CDH2: variants seen among roughly 807,000 people sequenced by gnomAD.
CDH2 encodes the protein cadherin-2.
CDH2 carries 17 observed loss-of-function variants against 92.0 expected under a neutral mutation model. That is an observed-to-expected ratio of 0.18 (90% CI 0.13 to 0.28). The LOEUF is 0.28. CDH2 is among the 10% of genes least tolerant of loss of function. The pLI is 1.00. For synonymous variants in CDH2, 419 were observed against 415.9 expected (o/e 1.01, Z -0.09); for missense variants, 862 against 1,133.1 (o/e 0.76, Z 3.44).
intron 15 of CDH2, among the ~76,000 whole-genome samples, chr18:27,958,453 A>G (rs2011307746): frequency 6.6e-6 from 1 of 151,476 alleles, no homozygotes; most frequent in Non-Finnish European, 1.5e-5. Context: ...TACACACATA[A>G]TAAAAATCTC....
At chr18:27,943,009 CACACACCCA>C (rs1909181994) in intron 6 of CDH2, among the ~76,000 whole-genome samples, 1 of 152,140 alleles carries the variant, frequency 6.6e-6, no homozygotes, top group Non-Finnish European at 1.5e-5. Context: ...CCTTCCCCAC[CACACACCCA>C]CACTTCTATG....
At chr18:27,967,934 C>G (rs1201630857) in intron 14 of CDH2, among the ~76,000 whole-genome samples, 1 of 152,124 alleles carries the variant, frequency 6.6e-6, no homozygotes, top group Non-Finnish European at 1.5e-5. Context: ...TCTGGAATCC[C>G]AGGCAAATAC....
intron 15 of CDH2, among the ~76,000 whole-genome samples, chr18:27,956,034 T>C (rs1305734903): frequency 6.6e-6 from 1 of 152,170 alleles, no homozygotes; most frequent in African/African-American, 2.4e-5. Context: ...AATATTTTGG[T>C]AATTCTAAAA....
chr18:28,111,253 G>A lies in CDH2; in HGVS notation c.172+36420C>T, dbSNP rs374962181. Among the ~76,000 whole-genome samples, 165 of 152,272 alleles carry A rather than the reference G, an allele frequency of 1.1e-3. 1 individual carries two copies. The highest frequency in any genetic ancestry group is 3.7e-3 in the African/African-American group (154 of 41,552). On this transcript the variant is annotated intron_variant, in intron 2 of 15. Transcript: ENST00000269141. ...TAGCCTCAGCCTTCTCCTCTGTCCC[G>A]GAGCCCACTTGCTGACCTAGACAGA...
At chr18:27,959,574 T>G (rs1157488335) in intron 15 of CDH2, 1 of 152,218 alleles carries the variant, frequency 6.6e-6, no homozygotes, top group Non-Finnish European at 1.5e-5. Flanking sequence ...GTCCAGTAAA[T>G]GAAGACACTG....
chr18:28,175,180 G>A (rs1001689654), intron 1 of CDH2, among the ~76,000 whole-genome samples: 1 of 152,160 alleles, frequency 6.6e-6, no homozygotes. Context: ...ATAACAGGAG[G>A]TACTTTTGTT....
At chr18:28,074,576 A>G (rs1263385036) in intron 2 of CDH2, among the ~76,000 whole-genome samples, 1 of 151,982 alleles carries the variant, frequency 6.6e-6, no homozygotes, top group Non-Finnish European at 1.5e-5. Flanking sequence ...TGTGTTTAAA[A>G]TTATTTTGCT....
Position 27,950,993 on chromosome 18 carries a change from G to A in CDH2, c.*1160C>T, listed in dbSNP as rs199679502. 4 of 152,528 alleles carry A rather than the reference G, an allele frequency of 2.6e-5. No homozygotes were observed. The South Asian group carries it at 8.3e-4, about 32-fold the overall frequency. The allele number at this position is 152,528 out of a possible 1,614,324, so 9.4% of individuals were successfully genotyped here. A position where few individuals can be genotyped will look rare whatever the true frequency, so the allele number is the denominator to read the frequency against. On this transcript the variant is annotated 3_prime_UTR_variant, in exon 16 of 16. Transcript: ENST00000269141. ...AGATCCAAAATTAGCATTTTATTCA[G>A]AACGCTGGGGTCAGAGGTGTATCAT...
intron 2 of CDH2, among the ~76,000 whole-genome samples, chr18:28,096,566 ACAC>A (rs1325961810): frequency 6.6e-6 from 1 of 152,204 alleles, no homozygotes; most frequent in Non-Finnish European, 1.5e-5. Flanking sequence ...CTCCAAAAAT[ACAC>A]CACAAGAAAT....
chr18:28,139,334 A>T (rs1043948738), intron 2 of CDH2, among the ~76,000 whole-genome samples: 1 of 151,908 alleles, frequency 6.6e-6, no homozygotes. Context: ...TTACACAAAC[A>T]TATTGTAACT....
At chr18:27,954,338 C>T (rs1909604809) in intron 15 of CDH2, among the ~76,000 whole-genome samples, 1 of 152,200 alleles carries the variant, frequency 6.6e-6, no homozygotes, top group Non-Finnish European at 1.5e-5. Flanking sequence ...AGAACACACA[C>T]CCACACTCCC....
chr18:28,156,707 GC>G (rs2016223737), intron 1 of CDH2, among the ~76,000 whole-genome samples: 4 of 120,628 alleles, frequency 3.3e-5, no homozygotes, highest in African/African-American at 9.2e-5. Context: ...CCCAGGTACA[GC>G]ATGTCACCTT....
intron 2 of CDH2, among the ~76,000 whole-genome samples, chr18:28,114,780 A>C (rs2015468618): frequency 6.6e-6 from 1 of 152,044 alleles, no homozygotes; most frequent in South Asian, 2.1e-4. Context: ...ATCTGTTATT[A>C]ATATGCCATG....
chr18:28,132,580 G>A lies in CDH2; in HGVS notation c.172+15093C>T, dbSNP rs538849687. Among the ~76,000 whole-genome samples, 3 of 152,242 alleles carry A rather than the reference G, an allele frequency of 2.0e-5. No homozygotes were observed. The East Asian group carries it at 5.8e-4, about 29-fold the overall frequency. The stretch of plus-strand genomic sequence containing the variant: ...AATGTGATCTCACTGATCCAAAGGG[G>A]TTCCACTGCAGTCAGAGGAACAGGA... On this transcript the variant is annotated intron_variant, in intron 2 of 15. Transcript: ENST00000269141.
At chr18:28,138,790 C>T (rs1168323857) in intron 2 of CDH2, among the ~76,000 whole-genome samples, 1 of 152,066 alleles carries the variant, frequency 6.6e-6, no homozygotes, top group Non-Finnish European at 1.5e-5. Flanking sequence ...GATATGCTTG[C>T]TCTGTGTGAC....
intron 14 of CDH2, 99 bp downstream of exon 14, chr18:27,982,845 G>C: frequency 1.4e-6 from 1 of 704,952 alleles, no homozygotes; most frequent in South Asian, 3.5e-5. Flanking sequence ...TAACAGGAGG[G>C]AAACCTGATA....
At chr18:28,103,761 C>T (rs1367004891) in intron 2 of CDH2, among the ~76,000 whole-genome samples, 3 of 151,938 alleles carry the variant, frequency 2.0e-5, no homozygotes, top group African/African-American at 4.8e-5. Flanking sequence ...AGCTAGTTTT[C>T]TGTTCATGTG....
intron 15 of CDH2, among the ~76,000 whole-genome samples, chr18:27,957,510 C>CCAAAGTGCT (rs2011282419): frequency 1.3e-5 from 2 of 152,022 alleles, no homozygotes; most frequent in Admixed American, 1.3e-4. Context: ...CCTGAGCCTC[C>CCAAAGTGCT]CAAAGTGCTG....
At position 27,992,743 on chromosome 18, in the gene CDH2, A is replaced by G; in HGVS notation, c.1256T>C (p.Val419Ala). ...DQPHTPAWNA[V>A]YRISGGDPTG... is the part of the protein sequence containing the mutation. ...AGGATCTCCGCCACTGATTCTGTAC[A>G]CTGCGTTCCAGGCTGGTGTATGGGG... The change falls in exon 9 of 16, where the codon GTG (valine) becomes GCG (alanine). Residue 419 changes from valine to alanine, a missense_variant. Coordinates refer to ENST00000269141, the MANE Select transcript of CDH2 (RefSeq NM_001792.5). 1.9e-6 allele frequency: 3 copies of G among 1,614,082 alleles called. No individual in the cohort carries two copies. Among genetic ancestry groups the G allele is most frequent in the Non-Finnish European group, 1.7e-6 (2 of 1,179,978 alleles).
Sources: allele counts gnomAD v4.1 joint callset (sites outside exome capture counted in the v4.1 genomes callset), GRCh38; gene constraint gnomAD v4.1.1; transcripts MANE v1.5; gene names NCBI Gene and HGNC (gene_info 2026-07-23, HGNC 2026-07-21).